DACH2: variants seen among roughly 807,000 people sequenced by gnomAD.
DACH2 encodes dachshund family transcription factor 2.
A neutral mutation model predicts 35.8 loss-of-function variants in DACH2; 17 were observed. That is an observed-to-expected ratio of 0.48 (90% CI 0.33 to 0.71). The LOEUF is 0.71. DACH2 is among the 30% of genes least tolerant of loss of function. The pLI, the probability that DACH2 is intolerant of heterozygous loss-of-function variation, is 0.02. For synonymous variants in DACH2, 195 were observed against 177.3 expected (o/e 1.10, Z -0.79); for missense variants, 469 against 472.7 (o/e 0.99, Z 0.07).
chrX:86,555,474 G>C (rs1239638267), intron 3 of DACH2, among the ~76,000 whole-genome samples: 1 of 111,445 alleles, frequency 9.0e-6, no homozygotes, highest in Non-Finnish European at 1.9e-5. Context: ...TCATCCTGTA[G>C]TTTTGTACAA....
chrX:86,435,116 G>C (rs1304078204), intron 2 of DACH2, among the ~76,000 whole-genome samples: 1 of 111,389 alleles, frequency 9.0e-6, no homozygotes. Context: ...TTCAACATGA[G>C]ATTTGGGCAG....
At position 86,582,817 on chromosome X, in the gene DACH2, A is replaced by AT. The variant is rs199904004; in HGVS notation, c.641-68216dup. 2.6e-3 allele frequency among the ~76,000 whole-genome samples: 288 copies of AT among 109,980 alleles called. 1 individual carries two copies. Among genetic ancestry groups the AT allele is most frequent in the African/African-American group, 9.0e-3 (273 of 30,229 alleles). ...AGCGGGTACCATTCCTACTAAAACT[A>AT]TTTAAAAAAAAAATGAGGAGGAGAA... On this transcript the variant is annotated intron_variant, in intron 3 of 11. Coordinates refer to ENST00000373125, the MANE Select transcript of DACH2 (RefSeq NM_053281.3).
chrX:86,443,299 A>T (rs1222827612), intron 2 of DACH2, among the ~76,000 whole-genome samples: 1 of 111,146 alleles, frequency 9.0e-6, no homozygotes, highest in Non-Finnish European at 1.9e-5. Flanking sequence ...TTTTTCTTAA[A>T]CATTTTATTT....
intron 2 of DACH2, among the ~76,000 whole-genome samples, chrX:86,501,540 A>G (rs2038248797): frequency 9.0e-6 from 1 of 111,655 alleles, no homozygotes; most frequent in African/African-American, 3.3e-5. Context: ...TGAAATGATT[A>G]ATTTTCCTGT....
intron 3 of DACH2, among the ~76,000 whole-genome samples, chrX:86,572,958 C>G (rs969773647): frequency 9.0e-6 from 1 of 111,502 alleles, no homozygotes; most frequent in Non-Finnish European, 1.9e-5. Context: ...AAGTACCAGG[C>G]AAGTGTAGCC....
At chrX:86,816,147 C>CGTGGGGATGAG (rs2042449662) in intron 11 of DACH2, 48 bp downstream of exon 11, 3 of 919,532 alleles carry the variant, frequency 3.3e-6, no homozygotes, top group African/African-American at 2.0e-5. Flanking sequence ...ATATGTGACC[C>CGTGGGGATGAG]CTGGGGATGA....
At chrX:86,591,272 G>C (rs746166384) in intron 3 of DACH2, among the ~76,000 whole-genome samples, 1 of 111,282 alleles carries the variant, frequency 9.0e-6, no homozygotes, top group Non-Finnish European at 1.9e-5. Context: ...GAATAGTGCC[G>C]CAATAAACAT....
chrX:86,814,208 A>C (rs2042423496), intron 9 of DACH2, among the ~76,000 whole-genome samples: 1 of 112,232 alleles, frequency 8.9e-6, no homozygotes, highest in Non-Finnish European at 1.9e-5. Context: ...TTTCAGATAA[A>C]TGGACACTTG....
intron 1 of DACH2, among the ~76,000 whole-genome samples, chrX:86,284,096 C>T (rs1426308854): frequency 1.8e-5 from 2 of 111,125 alleles, no homozygotes; most frequent in African/African-American, 6.6e-5. Context: ...TTATATCTTT[C>T]TCTTGTCTGA....
intron 1 of DACH2, among the ~76,000 whole-genome samples, chrX:86,250,214 A>G (rs2033371770): frequency 9.0e-6 from 1 of 111,724 alleles, no homozygotes; most frequent in African/African-American, 3.2e-5. Flanking sequence ...TAAAAGTTGG[A>G]AAGAAAAGAA....
chrX:86,463,587 G>A (rs2037613199), intron 2 of DACH2, among the ~76,000 whole-genome samples: 1 of 110,707 alleles, frequency 9.0e-6, no homozygotes, highest in Non-Finnish European at 1.9e-5. Context: ...AGAAAACCTG[G>A]GCAATACCAT....
intron 3 of DACH2, among the ~76,000 whole-genome samples, chrX:86,541,849 C>T (rs140994635): frequency 0.012 from 1,351 of 111,153 alleles, 8 homozygotes; most frequent in Non-Finnish European, 0.02. Context: ...AGGTATCTGC[C>T]ATAAATGTTT....
At chrX:86,320,908 G>A (rs1343283535) in intron 1 of DACH2, among the ~76,000 whole-genome samples, 4 of 111,815 alleles carry the variant, frequency 3.6e-5, no homozygotes, top group Admixed American at 9.5e-5. Context: ...GGGAGGGGGT[G>A]AGTTTTAACC....
chrX:86,750,065 TC>T (rs1287061613), intron 7 of DACH2, among the ~76,000 whole-genome samples: 5 of 111,395 alleles, frequency 4.5e-5, no homozygotes, highest in African/African-American at 1.6e-4. Flanking sequence ...TTTATCTTTT[TC>T]AATCTATATG....
At chrX:86,363,176 G>C (rs2035761711) in intron 1 of DACH2, among the ~76,000 whole-genome samples, 1 of 111,093 alleles carries the variant, frequency 9.0e-6, no homozygotes, top group African/African-American at 3.3e-5. Context: ...TATATGTTTA[G>C]ATTATATTTA....
chrX:86,482,810 G>A (rs767349955), intron 2 of DACH2, among the ~76,000 whole-genome samples: 48 of 110,247 alleles, frequency 4.4e-4, no homozygotes, highest in Middle Eastern at 4.6e-3. Context: ...CTATGCAGCC[G>A]TAAAAAATGA....
chrX:86,563,222 G>T (rs2039249111), intron 3 of DACH2, among the ~76,000 whole-genome samples: 1 of 110,103 alleles, frequency 9.1e-6, no homozygotes, highest in African/African-American at 3.3e-5. Flanking sequence ...ATAGTAGGGA[G>T]TTTTAAAGGA....
intron 1 of DACH2, among the ~76,000 whole-genome samples, chrX:86,186,170 C>T (rs1308300849): frequency 8.9e-6 from 1 of 112,395 alleles, no homozygotes; most frequent in Non-Finnish European, 1.9e-5. Context: ...TACATTAAGC[C>T]ATCATTGGAT....
intron 2 of DACH2, among the ~76,000 whole-genome samples, chrX:86,422,597 G>A (rs760848945): frequency 7.9e-4 from 87 of 110,553 alleles, no homozygotes; most frequent in Non-Finnish European, 1.5e-3. Flanking sequence ...TTTTGATACA[G>A]GCATGCGATG....
Sources: gnomAD v4.1 joint callset for allele counts (sites outside exome capture counted in the v4.1 genomes callset) on GRCh38, gnomAD v4.1.1 for gene constraint, MANE v1.5 for transcripts, NCBI Gene and HGNC (gene_info 2026-07-23, HGNC 2026-07-21) for gene names.